Variants in PKNOX2 observed in about 807,000 individuals in gnomAD.
PKNOX2 encodes homeobox protein PKNOX2.
PKNOX2 carries 14 observed loss-of-function variants against 53.1 expected under a neutral mutation model. That is an observed-to-expected ratio of 0.26 (90% CI 0.17 to 0.41). PKNOX2 has a LOEUF of 0.41. PKNOX2 is among the 10% of genes least tolerant of loss of function. PKNOX2 has a pLI of 1.00. For synonymous variants in PKNOX2, 257 were observed against 242.8 expected (o/e 1.06, Z -0.54); for missense variants, 496 against 602.8 (o/e 0.82, Z 1.85).
chr11:125,317,008 A>G (rs1017458553), intron 2 of PKNOX2, among the ~76,000 whole-genome samples: 1 of 152,326 alleles, frequency 6.6e-6, no homozygotes, highest in South Asian at 2.1e-4. Flanking sequence ...TGTATGTGAT[A>G]TTCTAAATCC....
chr11:125,401,798 T>C (rs978651671), intron 7 of PKNOX2, among the ~76,000 whole-genome samples: 2 of 152,040 alleles, frequency 1.3e-5, no homozygotes, highest in African/African-American at 4.8e-5. Context: ...TGTATGTGTG[T>C]GCACACGCGG....
chr11:125,293,364 C>T (rs76743435), intron 2 of PKNOX2, among the ~76,000 whole-genome samples: 7,620 of 152,244 alleles, frequency 0.05, 632 homozygotes, highest in African/African-American at 0.17. Flanking sequence ...AAATGTAGCT[C>T]TCCCTACCTC....
chr11:125,381,723 C>A (rs1187613517), intron 5 of PKNOX2, among the ~76,000 whole-genome samples: 1 of 152,170 alleles, frequency 6.6e-6, no homozygotes, highest in East Asian at 1.9e-4. Context: ...TTTCAACTTC[C>A]TCTCCCTCCA....
chr11:125,300,138 G>A lies in PKNOX2; in HGVS notation c.-129-31681G>A, dbSNP rs560937080. 9.8e-5 allele frequency among the ~76,000 whole-genome samples: 15 copies of A among 152,354 alleles called. No homozygotes were observed. In the South Asian group the frequency reaches 2.9e-3, roughly 29 times the overall value. On this transcript the variant is annotated intron_variant, in intron 2 of 12. Coordinates refer to ENST00000298282, the MANE Select transcript of PKNOX2 (RefSeq NM_001382323.2). ...AGAGGGGACCAAGGAGCTGAAATGA[G>A]GGCTCCCATCCTGATTTTGGAGTGG...
chr11:125,302,238 A>C (rs1448454042), intron 2 of PKNOX2, among the ~76,000 whole-genome samples: 1 of 152,168 alleles, frequency 6.6e-6, no homozygotes, highest in Non-Finnish European at 1.5e-5. Flanking sequence ...AGGTGATGTA[A>C]ATTGAAAGGC....
intron 2 of PKNOX2, among the ~76,000 whole-genome samples, chr11:125,301,083 G>A (rs1159360990): frequency 6.6e-6 from 1 of 152,192 alleles, no homozygotes; most frequent in Non-Finnish European, 1.5e-5. Context: ...TGCTGTACAA[G>A]TTGAGAATGT....
chr11:125,209,841 C>A (rs1415620459), intron 1 of PKNOX2, among the ~76,000 whole-genome samples: 2 of 152,034 alleles, frequency 1.3e-5, no homozygotes, highest in Non-Finnish European at 2.9e-5. Flanking sequence ...CCCTTATACC[C>A]ACCCTGGTGT....
chr11:125,225,634 G>A (rs1941618783), intron 1 of PKNOX2, among the ~76,000 whole-genome samples: 1 of 152,140 alleles, frequency 6.6e-6, no homozygotes, highest in South Asian at 2.1e-4. Context: ...CTCTGGCCTG[G>A]CGACCCTGGC....
chr11:125,349,868 C>CAA (rs1318996948), intron 3 of PKNOX2, among the ~76,000 whole-genome samples: 1 of 148,930 alleles, frequency 6.7e-6, no homozygotes, highest in Non-Finnish European at 1.5e-5. Context: ...CACACACACA[C>CAA]ACACACACAG....
chr11:125,334,183 A>G (rs1408506182), intron 3 of PKNOX2, among the ~76,000 whole-genome samples: 2 of 152,200 alleles, frequency 1.3e-5, no homozygotes, highest in Non-Finnish European at 2.9e-5. Context: ...CCCTGCACTC[A>G]TGCTAGGTCC....
chr11:125,412,502 G>C (rs1282715871), intron 10 of PKNOX2, among the ~76,000 whole-genome samples: 1 of 152,232 alleles, frequency 6.6e-6, no homozygotes, highest in East Asian at 1.9e-4. Context: ...CTATGTGTTT[G>C]TGTGCAGCAT....
At chr11:125,197,321 G>C (rs1937837214) in intron 1 of PKNOX2, among the ~76,000 whole-genome samples, 1 of 152,202 alleles carries the variant, frequency 6.6e-6, no homozygotes, top group Non-Finnish European at 1.5e-5. Flanking sequence ...TTAGGGGGTG[G>C]CTGAGCAGTG....
rs998113327 is a variant in PKNOX2, at chr11:125,270,587, T to C, written c.-130+35472T>C. Among the ~76,000 whole-genome samples, 9 of 152,268 alleles carry C rather than the reference T, an allele frequency of 5.9e-5. No homozygotes were observed. In the South Asian group the frequency reaches 1.9e-3, roughly 32 times the overall value. On this transcript the variant is annotated intron_variant, in intron 2 of 12. Coordinates refer to ENST00000298282, the MANE Select transcript of PKNOX2 (RefSeq NM_001382323.2). ...GCTCAGGCTCTCATTAATTCTTTCA[T>C]GGGGTGGAGAATAATGAGGGGACAG...
intron 2 of PKNOX2, among the ~76,000 whole-genome samples, chr11:125,293,027 G>A (rs867073923): frequency 2.6e-5 from 4 of 152,154 alleles, no homozygotes; most frequent in Non-Finnish European, 5.9e-5. Flanking sequence ...GCAAGATGCC[G>A]GACAGCGTGG....
At chr11:125,362,251 A>C (rs1480880773) in intron 4 of PKNOX2, among the ~76,000 whole-genome samples, 1 of 152,212 alleles carries the variant, frequency 6.6e-6, no homozygotes, top group Non-Finnish European at 1.5e-5. Flanking sequence ...TCCAATTCAC[A>C]TAGTGCGATT....
intron 3 of PKNOX2, among the ~76,000 whole-genome samples, chr11:125,334,277 G>A (rs1341890613): frequency 6.6e-6 from 1 of 152,190 alleles, no homozygotes; most frequent in Admixed American, 6.5e-5. Context: ...CTCTGAGGTG[G>A]GGATTTTCAA....
chr11:125,226,907 T>C (rs910281579), intron 1 of PKNOX2, among the ~76,000 whole-genome samples: 2 of 151,942 alleles, frequency 1.3e-5, no homozygotes, highest in East Asian at 1.9e-4. Flanking sequence ...CAGCCTCTCC[T>C]CTGACTTCTC....
chr11:125,358,482 TA>T (rs2136233229), intron 4 of PKNOX2, among the ~76,000 whole-genome samples: 1 of 152,340 alleles, frequency 6.6e-6, no homozygotes, highest in South Asian at 2.1e-4. Context: ...GAAATGCAGT[TA>T]GGGGCAGTGA....
intron 2 of PKNOX2, among the ~76,000 whole-genome samples, chr11:125,307,027 C>G (rs1948509366): frequency 6.6e-6 from 1 of 152,176 alleles, no homozygotes; most frequent in Non-Finnish European, 1.5e-5. Context: ...TTATACTCAC[C>G]TCTGCTACAG....
Sources: gnomAD v4.1 joint callset for allele counts (sites outside exome capture counted in the v4.1 genomes callset) on GRCh38, gnomAD v4.1.1 for gene constraint, MANE v1.5 for transcripts, NCBI Gene and HGNC (gene_info 2026-07-23, HGNC 2026-07-21) for gene names.